The following KIF20B variants were observed in gnomAD, a reference collection of about 807,000 sequenced individuals.
KIF20B encodes kinesin-like protein KIF20B.
In KIF20B, 188 loss-of-function variants were observed where a neutral mutation model predicts 232.5. The observed-to-expected ratio is 0.81, with a 90% CI of 0.72 to 0.91. The LOEUF (loss-of-function observed/expected upper bound fraction) is 0.91, where lower values mean the gene tolerates loss of function less well. KIF20B is among the 40% of genes least tolerant of loss of function. The pLI is 0.00. For missense variants in KIF20B, 2,154 were observed against 2,055.9 expected (o/e 1.05, Z -0.92); for synonymous variants, 712 against 683.0 (o/e 1.04, Z -0.66).
Position 89,745,335 on chromosome 10 carries a change from C to G in KIF20B, c.4036-564C>G, listed in dbSNP as rs540249785. Among the ~76,000 whole-genome samples the G allele has an allele frequency of 3.9e-5, 6 of 152,188 alleles. No homozygotes were observed. In the East Asian group the frequency reaches 1.2e-3, roughly 30 times the overall value. On this transcript the variant is annotated intron_variant, in intron 22 of 32. Coordinates refer to ENST00000371728, the MANE Select transcript of KIF20B (RefSeq NM_001284259.2). ...GTCAGGAGATCGAGACTAGCCTGAC[C>G]AACACGGTGAAACCCCGTCTCTACT...
intron 6 of KIF20B, among the ~76,000 whole-genome samples, chr10:89,711,910 A>C (rs1842843380): frequency 6.6e-6 from 1 of 152,166 alleles, no homozygotes; most frequent in African/African-American, 2.4e-5. Context: ...CAGTAAAGAA[A>C]CATTCCATTG....
In KIF20B at chr10:89,745,658, G is replaced by GATCTTGGCTCACTGCA. The variant is rs965880165; in HGVS notation, c.4036-220_4036-205dup. 2.3e-3 allele frequency among the ~76,000 whole-genome samples: 355 copies of GATCTTGGCTCACTGCA among 151,576 alleles called. No individual in the cohort carries two copies. The Middle Eastern group carries it at 0.024, about 10-fold the overall frequency. On this transcript the variant is annotated intron_variant, in intron 22 of 32. Transcript: ENST00000371728. ...TCGCCAGGCTGGAGTACAGTGGTGCGATCTTGGCTCACTGCAATCTTGGCT... is the reference window on the plus strand; with the variant it reads ...TCGCCAGGCTGGAGTACAGTGGTGCGATCTTGGCTCACTGCAATCTTGGCTCACTGCAATCTTGGCT...
chr10:89,732,702 AT>A (rs1394702295), intron 18 of KIF20B, among the ~76,000 whole-genome samples, 200 bp from the exon 19 acceptor site: 2 of 152,314 alleles, frequency 1.3e-5, no homozygotes, highest in African/African-American at 4.8e-5. Flanking sequence ...TCTTCTTAAG[AT>A]TCTCCAGTTA....
intron 2 of KIF20B, among the ~76,000 whole-genome samples, chr10:89,707,248 C>T (rs1243792536): frequency 6.6e-6 from 1 of 152,136 alleles, no homozygotes; most frequent in Non-Finnish European, 1.5e-5. Flanking sequence ...TGTGCATACA[C>T]TTATGTAACT....
Position 89,754,529 on chromosome 10 carries a change from G to A in KIF20B, c.4359G>A (p.Gln1453=), listed in dbSNP as rs2133155668. 6.3e-7 allele frequency: 1 copy of A among 1,590,570 alleles called. No individual in the cohort carries two copies. The change falls in exon 26 of 33, where the codon CAG becomes CAA. Residue 1453 remains glutamine, a synonymous_variant. Transcript: ENST00000371728. ...NLQDELQESE[Q]KYNADRKKWL... ...ATTTATATATACAGGAGTCTGAACAGAAATATAATGCTGATAGAAAGAAAT... is the reference window on the plus strand; with the variant it reads ...ATTTATATATACAGGAGTCTGAACAAAAATATAATGCTGATAGAAAGAAAT...
chr10:89,727,437 T>C (rs1843215076), intron 16 of KIF20B, among the ~76,000 whole-genome samples: 1 of 152,166 alleles, frequency 6.6e-6, no homozygotes, highest in Admixed American at 6.6e-5. Context: ...TATACATAAA[T>C]AGAATTGTTT....
At chr10:89,769,017 G>T (rs538297849) in intron 31 of KIF20B, 129 bp downstream of exon 31, 3 of 683,520 alleles carry the variant, frequency 4.4e-6, no homozygotes, top group Admixed American at 6.9e-5. Flanking sequence ...TCCTATACTA[G>T]GTACTGTGGG....
At chr10:89,759,195 G>A (rs1054217859) in intron 27 of KIF20B, among the ~76,000 whole-genome samples, 13 of 151,944 alleles carry the variant, frequency 8.6e-5, no homozygotes, top group South Asian at 4.1e-4. Flanking sequence ...CCCAGTCTGC[G>A]TTTAAAATAT....
chr10:89,773,899 C>G, intron 32 of KIF20B, 72 bp from the exon 33 acceptor site: 1 of 876,134 alleles, frequency 1.1e-6, no homozygotes, highest in Non-Finnish European at 1.7e-6. Flanking sequence ...ACATGTCTTA[C>G]TCATTATAAA....
Position 89,723,970 on chromosome 10 carries a change from T to C in KIF20B, c.1729T>C (p.Leu577=), listed in dbSNP as rs1269072700. Residue 577 remains leucine, a synonymous_variant, in exon 14 of 33, where the codon TTG becomes CTG. Coordinates refer to ENST00000371728, the MANE Select transcript of KIF20B (RefSeq NM_001284259.2). The part of the protein sequence containing the change: ...FISHEEKRKL[L]DLIEDLKKKL... ...TATCATTTACATGTAATAGAAACTG[T>C]TGGACTTAATAGAAGACTTGAAAAA... is the stretch of plus-strand genomic sequence containing the variant. 11 of 1,543,420 alleles carry C rather than the reference T, an allele frequency of 7.1e-6. No individual in the cohort carries two copies. Among genetic ancestry groups the C allele is most frequent in the East Asian group, 2.3e-5 (1 of 43,700 alleles).
chr10:89,712,871 T>A (rs1334033714), intron 6 of KIF20B, among the ~76,000 whole-genome samples: 1 of 152,168 alleles, frequency 6.6e-6, no homozygotes, highest in East Asian at 1.9e-4. Flanking sequence ...CTATTATTAT[T>A]AATGCAAATT....
rs1221674389 is a variant in KIF20B, at chr10:89,762,695, C to CG, written c.4850dup (p.Phe1618IlefsTer5). The CG allele has an allele frequency of 6.2e-7, 1 of 1,613,456 alleles. No homozygotes were observed. The highest frequency in any genetic ancestry group is 8.5e-7 in the Non-Finnish European group (1 of 1,179,732). On this transcript the variant is annotated frameshift_variant, in exon 29 of 33. Coordinates refer to ENST00000371728, the MANE Select transcript of KIF20B (RefSeq NM_001284259.2). LOFTEE classifies it high-confidence loss of function. ...GTCAACAGAAAATGATCAAAGCACT[C>CG]GATTTCCAAAACCTGAGTTAGAGAT...
At chr10:89,746,271 A>G (rs1387315308) in intron 23 of KIF20B, among the ~76,000 whole-genome samples, 1 of 152,182 alleles carries the variant, frequency 6.6e-6, no homozygotes, top group Non-Finnish European at 1.5e-5. Flanking sequence ...GGCTTTCTGT[A>G]TCCCGGGATT....
chr10:89,752,065 ATTC>A (rs1842031569), intron 24 of KIF20B, among the ~76,000 whole-genome samples: 1 of 152,058 alleles, frequency 6.6e-6, no homozygotes, highest in African/African-American at 2.4e-5. Flanking sequence ...ATTGCACATT[ATTC>A]TTTTTTTAAA....
intron 32 of KIF20B, 114 bp from the exon 33 acceptor site, chr10:89,773,857 C>T (rs1172010389): frequency 6.2e-6 from 3 of 482,334 alleles, no homozygotes; most frequent in Non-Finnish European, 1.1e-5. Flanking sequence ...AAAAAATTCT[C>T]CAATGTATCA....
chr10:89,751,457 A>G lies in KIF20B; in HGVS notation c.4208A>G (p.Glu1403Gly). 1 of 1,605,250 alleles carries G rather than the reference A, an allele frequency of 6.2e-7. No individual in the cohort carries two copies. Among genetic ancestry groups the G allele is most frequent in the Non-Finnish European group, 8.5e-7 (1 of 1,176,626 alleles). ...CTTGAGGCTAAATTAGAGGAAGTTG[A>G]AAGGCTGGCCACAGGTAAAACAAGA... ...QVLEAKLEEV[E>G]RLATELEKWK... The change falls in exon 24 of 33, where the codon GAA (glutamate) becomes GGA (glycine). Residue 1403 changes from glutamate (E) to glycine (G), a missense_variant. By Grantham distance (98) the Glu-to-Gly change is moderately conservative. Coordinates refer to ENST00000371728, the MANE Select transcript of KIF20B (RefSeq NM_001284259.2).
chr10:89,723,767 G>T (rs1432619252), intron 13 of KIF20B, 197 bp from the exon 14 acceptor site: 4 of 414,606 alleles, frequency 9.6e-6, no homozygotes, highest in Non-Finnish European at 1.2e-5. Context: ...TTTCTAAAAT[G>T]TGGAAAGGCC....
intron 21 of KIF20B, among the ~76,000 whole-genome samples, chr10:89,742,795 G>A (rs1841831070): frequency 6.6e-6 from 1 of 151,262 alleles, no homozygotes. Context: ...CACCTCCCGG[G>A]TTCAAGCAAT....
At chr10:89,720,136 A>G (rs1843022122) in intron 13 of KIF20B, among the ~76,000 whole-genome samples, 2 of 152,154 alleles carry the variant, frequency 1.3e-5, no homozygotes, top group Non-Finnish European at 2.9e-5. Flanking sequence ...TGTTCCAAAT[A>G]TGTTCTTTAT....
Sources: gnomAD v4.1 joint callset for allele counts (sites outside exome capture counted in the v4.1 genomes callset) on GRCh38, gnomAD v4.1.1 for gene constraint, MANE v1.5 for transcripts, NCBI Gene and HGNC (gene_info 2026-07-23, HGNC 2026-07-21) for gene names.